The following CDH12 variants were observed in gnomAD, a reference collection of about 807,000 sequenced individuals.
The protein encoded by CDH12 is cadherin 12.
In CDH12, 41 loss-of-function variants were observed where a neutral mutation model predicts 74.1. The ratio of observed to expected loss-of-function variants is 0.55; its 90% CI spans 0.43 to 0.72. The LOEUF (loss-of-function observed/expected upper bound fraction) is 0.72. Among genes scored for constraint, CDH12 ranks in the 30% least tolerant of loss-of-function variants. The probability of loss-of-function intolerance (pLI) is 0.00; values close to 1 mark genes in which losing one functional copy is unlikely to be tolerated. For missense variants in CDH12, 945 were observed against 977.2 expected (o/e 0.97, Z 0.44); for synonymous variants, 399 against 355.0 (o/e 1.12, Z -1.39).
In CDH12 at chr5:21,883,550, T is replaced by C. The variant is rs1021319434; in HGVS notation, c.527-28760A>G. On this transcript the variant is annotated intron_variant, in intron 6 of 14. Coordinates refer to ENST00000382254, the MANE Select transcript of CDH12 (RefSeq NM_004061.5). ...AACTTAAAGATATGGCTATTGCTAC[T>C]GGTGGTGCAGTGTTTGGAGAAGAGG... 3.7e-6 allele frequency: 6 copies of C among 1,609,414 alleles called. No homozygotes were observed. In the African/African-American group the frequency reaches 5.3e-5, roughly 14 times the overall value.
intron 1 of CDH12, among the ~76,000 whole-genome samples, chr5:22,545,274 G>A (rs1174518867): frequency 6.6e-6 from 1 of 152,132 alleles, no homozygotes; most frequent in Admixed American, 6.6e-5. Context: ...GGATGTTCTT[G>A]GTTTGTCTGA....
At chr5:22,153,048 G>C (rs1237405405) in intron 4 of CDH12, among the ~76,000 whole-genome samples, 2 of 152,110 alleles carry the variant, frequency 1.3e-5, no homozygotes, top group African/African-American at 4.8e-5. Context: ...CTGAGCTATT[G>C]AGGACGATGC....
At position 22,265,955 on chromosome 5, in the gene CDH12, G is replaced by A. The variant is rs182450898; in HGVS notation, c.-332-53312C>T. 1.7e-3 allele frequency among the ~76,000 whole-genome samples: 256 copies of A among 152,158 alleles called. 1 individual carries two copies. The highest frequency in any genetic ancestry group is 2.9e-3 in the Non-Finnish European group (195 of 67,984). On this transcript the variant is annotated intron_variant, in intron 3 of 14. Coordinates refer to ENST00000382254, the MANE Select transcript of CDH12 (RefSeq NM_004061.5). Reference sequence around the variant, plus strand: ...TCTGGGCTGACTTAATTTTTGAAGCGAGTAAATAATAGATCAGATATTAAC... The same window carrying A: ...TCTGGGCTGACTTAATTTTTGAAGCAAGTAAATAATAGATCAGATATTAAC...
chr5:21,948,858 T>C (rs1203303284), intron 6 of CDH12, among the ~76,000 whole-genome samples: 1 of 152,138 alleles, frequency 6.6e-6, no homozygotes, highest in African/African-American at 2.4e-5. Flanking sequence ...CTTATGATAG[T>C]GAGTGAGTTC....
At chr5:22,123,518 G>C (rs62349111) in intron 4 of CDH12, among the ~76,000 whole-genome samples, 5,072 of 152,180 alleles carry the variant, frequency 0.033, 104 homozygotes, top group Non-Finnish European at 0.053. Flanking sequence ...GTATGTAGTC[G>C]TTCGATTTAT....
chr5:22,629,541 C>T (rs1214169093), intron 1 of CDH12, among the ~76,000 whole-genome samples: 2 of 152,054 alleles, frequency 1.3e-5, no homozygotes, highest in Non-Finnish European at 2.9e-5. Flanking sequence ...ATAGAAAATG[C>T]TTATGATAAG....
Position 21,975,381 on chromosome 5 carries a change from T to C in CDH12, c.236A>G (p.His79Arg). Residue 79 changes from histidine to arginine, a missense_variant, in exon 6 of 15, where the codon CAT (histidine) becomes CGT (arginine). This residue lies in a region of CDH12 where 148 missense variants were observed against 162.8 expected (regional missense o/e 0.91). Transcript: ENST00000382254. ...GCCCTCTCCCTTGTCTAAGTCGGAA[T>C]GGAGCTTTAGGGAAGAGAAGGAGAG... ...GSEPQYVGKLHSDLDKGEGTV... is the reference protein window; with the variant it reads ...GSEPQYVGKLRSDLDKGEGTV... 6.3e-7 allele frequency: 1 copy of C among 1,588,632 alleles called. No homozygotes were observed. The highest frequency in any genetic ancestry group is 8.5e-7 in the Non-Finnish European group (1 of 1,176,202).
chr5:22,491,490 A>G (rs1019779939), intron 2 of CDH12, among the ~76,000 whole-genome samples: 8 of 152,110 alleles, frequency 5.3e-5, no homozygotes, highest in Non-Finnish European at 1.0e-4. Context: ...CCATAATAAC[A>G]TATCAAAGAC....
intron 1 of CDH12, among the ~76,000 whole-genome samples, chr5:22,624,471 A>T (rs1738164242): frequency 6.6e-6 from 1 of 152,340 alleles, no homozygotes; most frequent in South Asian, 2.1e-4. Flanking sequence ...AGAAAAAAAC[A>T]AACAACCTCC....
intron 6 of CDH12, chr5:21,883,690 T>G: frequency 6.2e-7 from 1 of 1,611,636 alleles, no homozygotes; most frequent in Non-Finnish European, 8.5e-7. Context: ...AAGGCTCAAC[T>G]TGAAAAACGT....
chr5:22,383,715 C>T (rs945345678), intron 3 of CDH12, among the ~76,000 whole-genome samples: 37 of 152,122 alleles, frequency 2.4e-4, no homozygotes, highest in African/African-American at 8.7e-4. Context: ...CATAAATCAA[C>T]CAAACAAAAC....
At chr5:22,120,249 G>A (rs991707890) in intron 4 of CDH12, among the ~76,000 whole-genome samples, 6 of 151,990 alleles carry the variant, frequency 3.9e-5, no homozygotes, top group African/African-American at 7.2e-5. Flanking sequence ...TGTTAATTTT[G>A]TCCTTGGCAT....
At chr5:22,487,432 G>A (rs1746656484) in intron 2 of CDH12, among the ~76,000 whole-genome samples, 1 of 151,866 alleles carries the variant, frequency 6.6e-6, no homozygotes, top group Admixed American at 6.6e-5. Context: ...AATAATAGAA[G>A]GAAAAATCAG....
Position 21,905,015 on chromosome 5 carries a change from G to A in CDH12, c.527-50225C>T, listed in dbSNP as rs116020492. ...GATGTACAGGAAAGAAAATCACATGGCTCAGCTATAAAAGCATTTGCATAG... is the reference window on the plus strand; with the variant it reads ...GATGTACAGGAAAGAAAATCACATGACTCAGCTATAAAAGCATTTGCATAG... On this transcript the variant is annotated intron_variant, in intron 6 of 14. Coordinates refer to ENST00000382254, the MANE Select transcript of CDH12 (RefSeq NM_004061.5). Among the ~76,000 whole-genome samples the A allele has an allele frequency of 7.9e-3, 1,195 of 152,226 alleles. 18 individuals are homozygous for A. The highest frequency in any genetic ancestry group is 0.027 in the African/African-American group (1,128 of 41,534).
intron 5 of CDH12, among the ~76,000 whole-genome samples, chr5:22,043,064 C>T (rs1188841136): frequency 6.6e-6 from 1 of 151,894 alleles, no homozygotes; most frequent in Middle Eastern, 3.2e-3. Context: ...CAGAAAATTA[C>T]AGAGGAGGAA....
At chr5:22,160,088 C>T (rs1344257480) in intron 4 of CDH12, among the ~76,000 whole-genome samples, 2 of 152,144 alleles carry the variant, frequency 1.3e-5, no homozygotes, top group Non-Finnish European at 1.5e-5. Context: ...TGTTCTGGCT[C>T]AAATGGGTAT....
chr5:22,664,828 T>TGTAC (rs1283076932), intron 1 of CDH12, among the ~76,000 whole-genome samples: 1 of 152,232 alleles, frequency 6.6e-6, no homozygotes, highest in Non-Finnish European at 1.5e-5. Flanking sequence ...GTACACATAC[T>TGTAC]ACTATGAATT....
intron 4 of CDH12, among the ~76,000 whole-genome samples, chr5:22,183,278 T>C (rs902878610): frequency 6.6e-6 from 1 of 151,984 alleles, no homozygotes; most frequent in South Asian, 2.1e-4. Flanking sequence ...AAATAAAATA[T>C]TGCTTATAAT....
intron 10 of CDH12, among the ~76,000 whole-genome samples, chr5:21,791,008 G>A (rs1746466189): frequency 1.3e-5 from 2 of 151,924 alleles, no homozygotes; most frequent in Admixed American, 6.6e-5. Context: ...GTGAGACTTA[G>A]CAAGCTCCTT....
Sources: gnomAD v4.1 joint callset for allele counts (sites outside exome capture counted in the v4.1 genomes callset) on GRCh38, gnomAD v4.1.1 for gene constraint, gnomAD v4.1.1 regional missense constraint, MANE v1.5 for transcripts, NCBI Gene and HGNC (gene_info 2026-07-23, HGNC 2026-07-21) for gene names.